ACSM1: variants seen among roughly 807,000 people sequenced by gnomAD.
ACSM1 encodes acyl-CoA synthetase medium chain family member 1.
A neutral mutation model predicts 75.8 loss-of-function variants in ACSM1; 79 were observed. The ratio of observed to expected loss-of-function variants is 1.04; its 90% CI spans 0.87 to 1.26. ACSM1 has a LOEUF of 1.26. Among genes scored for constraint, ACSM1 ranks in the 50% most tolerant of loss-of-function variants. The pLI, the probability that ACSM1 is intolerant of heterozygous loss-of-function variation, is 0.00. For synonymous variants in ACSM1, 279 were observed against 265.8 expected, an observed-to-expected ratio of 1.05 and a Z score of -0.48; for missense variants, 676 against 720.1, an observed-to-expected ratio of 0.94 and a Z score of 0.70.
chr16:20,696,058 T>G (rs1415852018), intron 1 of ACSM1, among the ~76,000 whole-genome samples: 1 of 152,248 alleles, frequency 6.6e-6, no homozygotes, highest in Admixed American at 6.5e-5. Flanking sequence ...GTGTCATGAC[T>G]GCCTACAGTA....
chr16:20,631,845 G>A (rs1170084454), intron 10 of ACSM1, among the ~76,000 whole-genome samples: 3 of 152,174 alleles, frequency 2.0e-5, no homozygotes, highest in African/African-American at 7.2e-5. Context: ...ATGATATAAT[G>A]GACTTTGGGG....
In ACSM1 at chr16:20,625,532, G is replaced by A. The variant is rs200111941; in HGVS notation, c.1428-10C>T. The A allele has an allele frequency of 2.9e-4, 468 of 1,612,564 alleles. No individual in the cohort carries two copies. Among genetic ancestry groups the A allele is most frequent in the Non-Finnish European group, 2.0e-4 (231 of 1,179,146 alleles). On this transcript the variant is annotated splice_polypyrimidine_tract_variant and intron_variant, in intron 11 of 13. Coordinates refer to ENST00000520010, the MANE Select transcript of ACSM1 (RefSeq NM_001318890.3). Reference sequence around the variant, plus strand: ...AGGCCCGATGCGATACCTGGAGGATGAAGGGTTCTGAGGCAGATGCCAGGG... The same window carrying A: ...AGGCCCGATGCGATACCTGGAGGATAAAGGGTTCTGAGGCAGATGCCAGGG...
chr16:20,687,729 A>C (rs2079578302), intron 2 of ACSM1, among the ~76,000 whole-genome samples: 1 of 152,186 alleles, frequency 6.6e-6, no homozygotes, highest in Non-Finnish European at 1.5e-5. Flanking sequence ...CCTAAAGGAA[A>C]TTAGAAAAAC....
At chr16:20,654,686 CA>C in intron 7 of ACSM1, among the ~76,000 whole-genome samples, 2 of 152,308 alleles carry the variant, frequency 1.3e-5, no homozygotes, top group South Asian at 4.1e-4. Context: ...AACTGCAAAT[CA>C]AAACCACAAT....
intron 7 of ACSM1, among the ~76,000 whole-genome samples, chr16:20,646,943 C>T (rs574253362): frequency 2.2e-4 from 34 of 152,326 alleles, no homozygotes; most frequent in African/African-American, 7.7e-4. Flanking sequence ...GCTTGTGTCT[C>T]TCCAGGTGAC....
intron 4 of ACSM1, among the ~76,000 whole-genome samples, chr16:20,673,290 A>G (rs2020071212): frequency 6.6e-6 from 1 of 152,024 alleles, no homozygotes; most frequent in African/African-American, 2.4e-5. Flanking sequence ...ATGGTGTTCA[A>G]AGCAACTGCA....
intron 1 of ACSM1, among the ~76,000 whole-genome samples, chr16:20,694,570 C>T (rs1445793646): frequency 1.3e-5 from 2 of 152,098 alleles, no homozygotes; most frequent in East Asian, 1.9e-4. Flanking sequence ...GTCTATATGA[C>T]CTCAGGGTCT....
intron 6 of ACSM1, among the ~76,000 whole-genome samples, chr16:20,667,226 T>C (rs1161791274): frequency 6.6e-6 from 1 of 152,136 alleles, no homozygotes. Flanking sequence ...ATCCAGATTC[T>C]ACAAAGAATT....
At chr16:20,685,832 C>CAAAAAAAAAAAAAAAAAAAAAAA (rs1469791653) in intron 2 of ACSM1, among the ~76,000 whole-genome samples, 1 of 72,132 alleles carries the variant, frequency 1.4e-5, no homozygotes, top group Non-Finnish European at 2.5e-5. Flanking sequence ...AAAAAAAAAA[C>CAAAAAAAAAAAAAAAAAAAAAAA]AAACAAAAAA....
intron 7 of ACSM1, among the ~76,000 whole-genome samples, chr16:20,659,376 T>C (rs953182035): frequency 6.6e-6 from 1 of 152,176 alleles, no homozygotes; most frequent in Non-Finnish European, 1.5e-5. Flanking sequence ...TTCTATGGAA[T>C]GCTTTTTGGC....
intron 7 of ACSM1, among the ~76,000 whole-genome samples, chr16:20,659,191 T>TC (rs898042347): frequency 3.9e-5 from 6 of 151,998 alleles, no homozygotes; most frequent in African/African-American, 1.4e-4. Context: ...CTCCAGGTCT[T>TC]CCCCCCATTA....
chr16:20,685,711 T>G (rs910121087), intron 2 of ACSM1, among the ~76,000 whole-genome samples: 1 of 151,340 alleles, frequency 6.6e-6, no homozygotes, highest in Non-Finnish European at 1.5e-5. Flanking sequence ...TCTCAGCTAT[T>G]CAGGAGGCTG....
chr16:20,635,535 G>A (rs2017613839), intron 10 of ACSM1, among the ~76,000 whole-genome samples: 1 of 151,958 alleles, frequency 6.6e-6, no homozygotes, highest in African/African-American at 2.4e-5. Context: ...AAAGATGCCT[G>A]GACATTATAT....
intron 11 of ACSM1, among the ~76,000 whole-genome samples, chr16:20,626,022 T>C (rs912884434): frequency 6.6e-6 from 1 of 152,196 alleles, no homozygotes; most frequent in Non-Finnish European, 1.5e-5. Context: ...TTTTTTTCTT[T>C]TGTGGTAAGA....
At chr16:20,652,869 T>C (rs920658380) in intron 7 of ACSM1, among the ~76,000 whole-genome samples, 1 of 152,046 alleles carries the variant, frequency 6.6e-6, no homozygotes, top group Admixed American at 6.6e-5. Context: ...TTCCAATCAA[T>C]AGAAAAAGAG....
intron 7 of ACSM1, among the ~76,000 whole-genome samples, chr16:20,641,943 T>G (rs2152219823): frequency 6.6e-6 from 1 of 152,312 alleles, no homozygotes; most frequent in African/African-American, 2.4e-5. Flanking sequence ...AAAGCAGACA[T>G]TCTGCTTATT....
chr16:20,651,148 T>C (rs1039691696), intron 7 of ACSM1, among the ~76,000 whole-genome samples: 1 of 152,218 alleles, frequency 6.6e-6, no homozygotes, highest in African/African-American at 2.4e-5. Flanking sequence ...AATTTTGCTA[T>C]CTGATTTCAC....
At chr16:20,663,514 C>T (rs186015753) in intron 6 of ACSM1, among the ~76,000 whole-genome samples, 1 of 152,242 alleles carries the variant, frequency 6.6e-6, no homozygotes, top group East Asian at 1.9e-4. Flanking sequence ...CCTCCACGGC[C>T]TTGTGTTGGG....
rs1246248134 is a variant in ACSM1, at chr16:20,682,562, T to C, written c.404-99A>G. On this transcript the variant is annotated intron_variant, in intron 3 of 13. Coordinates refer to ENST00000520010, the MANE Select transcript of ACSM1 (RefSeq NM_001318890.3). ...ATCGAAATACCCTAACTTCTTGTTATGTAAAGTACAGGCCACAGAACAACA... is the reference window on the plus strand; with the variant it reads ...ATCGAAATACCCTAACTTCTTGTTACGTAAAGTACAGGCCACAGAACAACA... The C allele has an allele frequency of 5.5e-6, 5 of 905,940 alleles. 1 individual carries two copies. The highest frequency in any genetic ancestry group is 3.0e-5 in the South Asian group (2 of 66,728). 56.1% of individuals were successfully genotyped at this position (905,940 alleles called of 1,614,324 possible). A position where few individuals can be genotyped will look rare whatever the true frequency, so the allele number is the denominator to read the frequency against.
Sources: allele counts gnomAD v4.1 joint callset (sites outside exome capture counted in the v4.1 genomes callset), GRCh38; gene constraint gnomAD v4.1.1; transcripts MANE v1.5; gene names NCBI Gene and HGNC (gene_info 2026-07-23, HGNC 2026-07-21).